Variants in NRG1 observed in about 807,000 individuals in gnomAD.
The protein encoded by NRG1 is pro-neuregulin-1, membrane-bound isoform.
Under a neutral mutation model 63.8 loss-of-function variants are expected in NRG1, and 18 were observed. The observed-to-expected ratio is 0.28, with a 90% CI of 0.19 to 0.42. NRG1 has a LOEUF of 0.42. Ranked by LOEUF, NRG1 falls within the 10% of genes least tolerant of loss-of-function variation. NRG1 has a pLI of 1.00. For missense variants in NRG1, 762 were observed against 814.7 expected (o/e 0.94, Z 0.79); for synonymous variants, 302 against 301.3 (o/e 1.00, Z -0.02).
intron 1 of NRG1, among the ~76,000 whole-genome samples, chr8:32,176,751 A>G (rs1477384819): frequency 2.0e-5 from 3 of 152,230 alleles, no homozygotes; most frequent in Non-Finnish European, 2.9e-5. Flanking sequence ...TGGCCATCAG[A>G]GAAATGCAAA....
intron 8 of NRG1, among the ~76,000 whole-genome samples, chr8:32,755,211 A>T (rs1361370105): frequency 6.6e-6 from 1 of 152,182 alleles, no homozygotes; most frequent in Admixed American, 6.5e-5. Flanking sequence ...GGTCCGTATT[A>T]ACAAATTCAA....
At chr8:32,360,675 T>C (rs1175280350) in intron 1 of NRG1, among the ~76,000 whole-genome samples, 2 of 152,182 alleles carry the variant, frequency 1.3e-5, no homozygotes, top group East Asian at 3.9e-4. Flanking sequence ...CATTGAATTG[T>C]GTTTAACTCA....
At chr8:32,503,313 AAAAG>A (rs1828107702) in intron 1 of NRG1, among the ~76,000 whole-genome samples, 5 of 150,618 alleles carry the variant, frequency 3.3e-5, no homozygotes, top group African/African-American at 1.2e-4. Context: ...AAAAAAAAAA[AAAAG>A]GAAATAAACT....
intron 1 of NRG1, among the ~76,000 whole-genome samples, chr8:31,746,833 A>G (rs976149530): frequency 6.6e-6 from 1 of 152,006 alleles, no homozygotes; most frequent in African/African-American, 2.4e-5. Flanking sequence ...GCCATAACAC[A>G]GAAGGAGGTC....
At chr8:32,741,959 T>C in intron 6 of NRG1, 49 bp from the exon 7 acceptor site, 10 of 1,452,294 alleles carry the variant, frequency 6.9e-6, no homozygotes, top group Non-Finnish European at 9.7e-6. Flanking sequence ...GTCTGAAAGC[T>C]CAGTGTCTTT....
At chr8:32,114,800 A>G (rs1832488558) in intron 1 of NRG1, among the ~76,000 whole-genome samples, 1 of 152,164 alleles carries the variant, frequency 6.6e-6, no homozygotes, top group Non-Finnish European at 1.5e-5. Context: ...AAGCTATCTC[A>G]TGATGGTTTT....
chr8:32,634,826 T>C (rs1851022732), intron 5 of NRG1, among the ~76,000 whole-genome samples: 3 of 152,216 alleles, frequency 2.0e-5, no homozygotes, highest in Admixed American at 2.0e-4. Flanking sequence ...AAAGATATTG[T>C]ACAGTGGTAC....
At chr8:31,997,366 G>T (rs1368327709) in intron 1 of NRG1, among the ~76,000 whole-genome samples, 1 of 151,856 alleles carries the variant, frequency 6.6e-6, no homozygotes, top group African/African-American at 2.4e-5. Flanking sequence ...CAGCAGGATT[G>T]CCTGGCACAA....
At chr8:31,902,855 A>G (rs1053086276) in intron 1 of NRG1, among the ~76,000 whole-genome samples, 1 of 152,192 alleles carries the variant, frequency 6.6e-6, no homozygotes, top group African/African-American at 2.4e-5. Flanking sequence ...ACACTCCTCC[A>G]TTGGGAGGTA....
rs550774375 is a variant in NRG1 at position 32,507,414 on chromosome 8, C to T, written c.38-88414C>T. Among the ~76,000 whole-genome samples, 7 of 152,282 alleles carry T rather than the reference C, an allele frequency of 4.6e-5. No individual in the cohort carries two copies. In the South Asian group the frequency reaches 1.4e-3, roughly 32 times the overall value. On this transcript the variant is annotated intron_variant, in intron 1 of 10. Transcript: ENST00000519301. ...GTCTGTGAATCCATTGAATGGAACA[C>T]TTCACAGTTTAGTTGCCTCTTCTTG...
At chr8:32,684,567 A>C (rs188241417) in intron 5 of NRG1, among the ~76,000 whole-genome samples, 1 of 152,194 alleles carries the variant, frequency 6.6e-6, no homozygotes, top group Admixed American at 6.5e-5. Flanking sequence ...TTTTTCACAA[A>C]TTTTTTACTA....
intron 1 of NRG1, among the ~76,000 whole-genome samples, chr8:32,077,053 G>T (rs1364556875): frequency 6.6e-6 from 1 of 151,986 alleles, no homozygotes; most frequent in Admixed American, 6.6e-5. Flanking sequence ...AATAAACAAC[G>T]TTAAACACTC....
At chr8:32,486,862 C>T (rs28643302) in intron 1 of NRG1, among the ~76,000 whole-genome samples, 16 of 151,856 alleles carry the variant, frequency 1.1e-4, no homozygotes, top group African/African-American at 3.9e-4. Context: ...TGACCTCAAG[C>T]AATTCACTTG....
At chr8:32,243,189 TGA>T (rs1411989353) in intron 1 of NRG1, among the ~76,000 whole-genome samples, 11 of 152,156 alleles carry the variant, frequency 7.2e-5, no homozygotes, top group African/African-American at 2.6e-4. Flanking sequence ...TTTGGGAGGC[TGA>T]GAGAGGCAGA....
intron 1 of NRG1, among the ~76,000 whole-genome samples, chr8:31,648,282 C>T (rs1241859261): frequency 2.6e-5 from 4 of 151,588 alleles, no homozygotes; most frequent in Admixed American, 6.6e-5. Flanking sequence ...TACAGGCGCG[C>T]GCCACCATGC....
intron 1 of NRG1, among the ~76,000 whole-genome samples, chr8:31,988,874 C>T (rs1306283288): frequency 1.1e-4 from 17 of 151,982 alleles, no homozygotes; most frequent in East Asian, 1.9e-4. Context: ...CAGCAAATTC[C>T]GGAATTCTTT....
intron 1 of NRG1, among the ~76,000 whole-genome samples, chr8:32,201,655 C>G (rs1843508962): frequency 6.6e-6 from 1 of 152,192 alleles, no homozygotes; most frequent in South Asian, 2.1e-4. Flanking sequence ...TCTTTGTTAA[C>G]TCCTAAAATC....
At position 32,744,169 on chromosome 8, in the gene NRG1, G is replaced by A. The variant is rs546310136; in HGVS notation, c.691+1436G>A. On this transcript the variant is annotated intron_variant, in intron 7 of 11. Coordinates refer to ENST00000356819, the Ensembl canonical transcript of NRG1. ...TTACCCTTGTTCTGATGCATGCAGA[G>A]AATAAGTTTCTGTAATTCCTGTTAA... is the stretch of plus-strand genomic sequence containing the variant. 1.3e-4 allele frequency among the ~76,000 whole-genome samples: 20 copies of A among 152,202 alleles called. 1 individual carries two copies. In the South Asian group the frequency reaches 4.1e-3, roughly 32 times the overall value.
At chr8:31,649,092 G>A (rs1386720296) in intron 1 of NRG1, among the ~76,000 whole-genome samples, 1 of 151,948 alleles carries the variant, frequency 6.6e-6, no homozygotes, top group African/African-American at 2.4e-5. Context: ...CTGAATAGCT[G>A]GGAGTACAGG....
Sources: gnomAD v4.1 joint callset for allele counts (sites outside exome capture counted in the v4.1 genomes callset) on GRCh38, gnomAD v4.1.1 for gene constraint, MANE v1.5 for transcripts, NCBI Gene and HGNC (gene_info 2026-07-23, HGNC 2026-07-21) for gene names.